Variants in OPRM1 observed in about 807,000 individuals in gnomAD.
The protein encoded by OPRM1 is opioid receptor mu 1.
A neutral mutation model predicts 31.8 loss-of-function variants in OPRM1; 27 were observed. That is an observed-to-expected ratio of 0.85 (90% CI 0.63 to 1.17). OPRM1 has a LOEUF of 1.17. Ranked by LOEUF, OPRM1 falls within the 50% of genes most tolerant of loss-of-function variation. The pLI is 0.00. For synonymous variants in OPRM1, 196 were observed against 189.9 expected, an observed-to-expected ratio of 1.03 and a Z score of -0.26; for missense variants, 536 against 511.1, an observed-to-expected ratio of 1.05 and a Z score of -0.47.
chr6:154,146,349 G>A (rs1476764418), intron 3 of OPRM1, among the ~76,000 whole-genome samples: 1 of 152,164 alleles, frequency 6.6e-6, no homozygotes, highest in Non-Finnish European at 1.5e-5. Context: ...GCAGTGAGCT[G>A]AGATCGTGCC....
At chr6:154,070,814 T>C (rs745531800) in intron 1 of OPRM1, among the ~76,000 whole-genome samples, 2 of 152,196 alleles carry the variant, frequency 1.3e-5, no homozygotes, top group Non-Finnish European at 2.9e-5. Context: ...CAAGGTAGTT[T>C]TAGTTACTCA....
intron 3 of OPRM1, among the ~76,000 whole-genome samples, chr6:154,238,164 T>C (rs866393803): frequency 2.0e-5 from 3 of 152,234 alleles, no homozygotes; most frequent in African/African-American, 7.2e-5. Flanking sequence ...TCATGTATGA[T>C]ATTATTTTAT....
At chr6:154,144,149 T>C (rs897210928) in intron 3 of OPRM1, among the ~76,000 whole-genome samples, 6 of 152,160 alleles carry the variant, frequency 3.9e-5, no homozygotes, top group Non-Finnish European at 7.4e-5. Context: ...CAATACCCTG[T>C]AAGTATTAAG....
chr6:154,241,417 A>C (rs1289815131), intron 3 of OPRM1, among the ~76,000 whole-genome samples: 4 of 152,150 alleles, frequency 2.6e-5, no homozygotes, highest in Admixed American at 1.3e-4. Context: ...ACAATGTACA[A>C]AACTAAAATA....
At chr6:154,075,182 T>C (rs1365147555) in intron 1 of OPRM1, among the ~76,000 whole-genome samples, 1 of 152,208 alleles carries the variant, frequency 6.6e-6, no homozygotes. Flanking sequence ...GAGTAACATT[T>C]TCAAAGTGAA....
chr6:154,043,872 A>G (rs539614876), intron 1 of OPRM1, among the ~76,000 whole-genome samples: 1 of 152,244 alleles, frequency 6.6e-6, no homozygotes, highest in South Asian at 2.1e-4. Context: ...ATAGAAACTA[A>G]TTCAGAGGAG....
At chr6:154,172,656 AAGCTCGAACTGGGCGG>A in intron 3 of OPRM1, among the ~76,000 whole-genome samples, 1 of 152,200 alleles carries the variant, frequency 6.6e-6, no homozygotes, top group East Asian at 1.9e-4. Context: ...AGCAGCAGGG[AAGCTCGAACTGGGCGG>A]AGCCCACTGC....
At chr6:154,199,701 C>A (rs778889528) in intron 3 of OPRM1, 1 of 1,613,284 alleles carries the variant, frequency 6.2e-7, no homozygotes, top group Non-Finnish European at 8.5e-7. Context: ...GCAGGCTTAT[C>A]TGGGACAGTA....
rs200803187 is a variant in OPRM1 at position 154,093,223 on chromosome 6, G to A, written c.1164+1751G>A. 500 of 1,519,700 alleles carry A rather than the reference G, an allele frequency of 3.3e-4. No homozygotes were observed. The highest frequency in any genetic ancestry group is 4.2e-4 in the Non-Finnish European group (466 of 1,119,552). 94.1% of individuals were successfully genotyped at this position (1,519,700 alleles called of 1,614,324 possible). ...TGCTTTGAAGTAAAATATTTCCATT[G>A]GAGCAAAATAATGGCCATTATAAAG... On this transcript the variant is annotated intron_variant, in intron 3 of 3. Coordinates refer to ENST00000330432, the MANE Select transcript of OPRM1 (RefSeq NM_000914.5).
intron 1 of OPRM1, among the ~76,000 whole-genome samples, chr6:154,045,179 C>A (rs1439549117): frequency 6.6e-6 from 1 of 151,868 alleles, no homozygotes; most frequent in Non-Finnish European, 1.5e-5. Flanking sequence ...GAGCCGAGAT[C>A]GCACCACTGC....
At chr6:154,208,662 T>C (rs902358833) in intron 3 of OPRM1, among the ~76,000 whole-genome samples, 1 of 152,226 alleles carries the variant, frequency 6.6e-6, no homozygotes, top group African/African-American at 2.4e-5. Flanking sequence ...GACCAGGTTA[T>C]CTCATGATGC....
chr6:154,045,763 T>C (rs575039867), intron 1 of OPRM1, among the ~76,000 whole-genome samples: 2 of 152,272 alleles, frequency 1.3e-5, no homozygotes, highest in African/African-American at 4.8e-5. Context: ...TTGCCCTCCA[T>C]AGGAATCAGC....
At chr6:154,176,124 C>T (rs1346261716) in intron 3 of OPRM1, among the ~76,000 whole-genome samples, 1 of 152,136 alleles carries the variant, frequency 6.6e-6, no homozygotes, top group Non-Finnish European at 1.5e-5. Flanking sequence ...AATCAACAGC[C>T]TTTCGTGCTA....
At chr6:154,021,405 A>G (rs1442152060) in intron 1 of OPRM1, among the ~76,000 whole-genome samples, 2 of 152,004 alleles carry the variant, frequency 1.3e-5, no homozygotes, top group African/African-American at 2.4e-5. Flanking sequence ...CAGTCCTCCA[A>G]CTTTGTGCTT....
intron 3 of OPRM1, chr6:154,223,281 T>C: frequency 4.8e-6 from 7 of 1,459,404 alleles, no homozygotes; most frequent in Non-Finnish European, 6.7e-6. Flanking sequence ...AATGAATGCA[T>C]CAATCCTGGG....
At chr6:154,068,181 C>T (rs1449760521) in intron 1 of OPRM1, among the ~76,000 whole-genome samples, 1 of 152,070 alleles carries the variant, frequency 6.6e-6, no homozygotes, top group Non-Finnish European at 1.5e-5. Context: ...AGTATACATG[C>T]ATTCTGGGAT....
intron 3 of OPRM1, among the ~76,000 whole-genome samples, chr6:154,195,791 ATTT>A (rs34769762): frequency 1.1e-4 from 14 of 130,550 alleles, no homozygotes; most frequent in East Asian, 2.4e-4. Flanking sequence ...CTTGTTCACA[ATTT>A]TTTTTTTTTT....
chr6:154,246,818 A>C (rs201674255), exon 4 of OPRM1: 16 of 1,530,994 alleles, frequency 1.0e-5, no homozygotes, highest in Non-Finnish European at 1.4e-5. Flanking sequence ...TAGGTAAAGT[A>C]TTATCCTGAT....
intron 3 of OPRM1, among the ~76,000 whole-genome samples, chr6:154,174,114 G>A (rs12207854): frequency 0.19 from 29,390 of 152,066 alleles, 3,445 homozygotes; most frequent in East Asian, 0.41. Flanking sequence ...TTACAGACAA[G>A]CAAATGCTGA....
Sources: gnomAD v4.1 joint callset for allele counts (sites outside exome capture counted in the v4.1 genomes callset) on GRCh38, gnomAD v4.1.1 for gene constraint, MANE v1.5 for transcripts, NCBI Gene and HGNC (gene_info 2026-07-23, HGNC 2026-07-21) for gene names.